The following ZNF578 variants were observed in gnomAD, a reference collection of about 807,000 sequenced individuals.
ZNF578 encodes the protein zinc finger protein 578.
In ZNF578, 8 loss-of-function variants were observed where a neutral mutation model predicts 8.3. The observed-to-expected ratio is 0.96, with a 90% CI of 0.56 to 1.74. ZNF578 has a LOEUF of 1.74. ZNF578 is among the 40% of genes most tolerant of loss of function. ZNF578 has a pLI of 0.00. For synonymous variants in ZNF578, 206 were observed against 232.2 expected (o/e 0.89, Z 1.03); for missense variants, 726 against 707.5 (o/e 1.03, Z -0.30).
chr19:52,489,393 C>T (rs1224797265), intron 2 of ZNF578, among the ~76,000 whole-genome samples: 2 of 151,968 alleles, frequency 1.3e-5, no homozygotes, highest in Non-Finnish European at 2.9e-5. Flanking sequence ...GGTTGGAGAT[C>T]AGCCTGACCA....
chr19:52,510,081 A>G (rs1331942649), intron 5 of ZNF578, among the ~76,000 whole-genome samples: 5 of 151,916 alleles, frequency 3.3e-5, no homozygotes, highest in African/African-American at 9.7e-5. Flanking sequence ...TCTCAGTGCT[A>G]TAATTGTTTG....
intron 2 of ZNF578, among the ~76,000 whole-genome samples, chr19:52,471,118 G>A (rs6509645): frequency 0.018 from 2,708 of 152,270 alleles, 76 homozygotes; most frequent in African/African-American, 0.063. Context: ...GGCCTCCCTA[G>A]AAGTCAGAGA....
At chr19:52,469,166 TG>T (rs1361375206) in intron 2 of ZNF578, among the ~76,000 whole-genome samples, 2 of 55,868 alleles carry the variant, frequency 3.6e-5, no homozygotes, top group Non-Finnish European at 9.4e-5. Flanking sequence ...GGTTTTTTTT[TG>T]TTTTTTTTTT....
chr19:52,501,872 G>C lies in ZNF578; in HGVS notation c.27G>C (p.Lys9Asn), dbSNP rs775525190. 2.0e-5 allele frequency: 32 copies of C among 1,613,568 alleles called. No homozygotes were observed. The highest frequency in any genetic ancestry group is 2.7e-5 in the Non-Finnish European group (32 of 1,179,794). Residue 9 changes from lysine to asparagine, a missense_variant, in exon 4 of 6, where the codon AAG becomes AAC. Coordinates refer to ENST00000421239, the MANE Select transcript of ZNF578 (RefSeq NM_001099694.2). ...TGTTACATGAGGAAGCAGCTCAGAA[G>C]AGGAAAGGAAAGGAGCCAGGCATGG... MLHEEAAQ[K>N]RKGKEPGMAL...
chr19:52,486,152 C>T (rs1301738361), intron 2 of ZNF578, among the ~76,000 whole-genome samples: 1 of 152,182 alleles, frequency 6.6e-6, no homozygotes, highest in Non-Finnish European at 1.5e-5. Context: ...CAATACTGCT[C>T]TTTAAGGCAT....
rs573182929 is a variant in ZNF578 at position 52,504,658 on chromosome 19, C to A, written c.67C>A (p.Arg23Ser). The A allele has an allele frequency of 1.2e-6, 2 of 1,613,906 alleles. No homozygotes were observed. Among genetic ancestry groups the A allele is most frequent in the Non-Finnish European group, 1.7e-6 (2 of 1,179,966 alleles). Residue 23 changes from arginine (R) to serine (S), a missense_variant, in exon 5 of 6, where the codon CGC becomes AGC. Transcript: ENST00000421239. ...KEPGMALPQG[R>S]LTFRDVAIEF... Reference sequence around the variant, plus strand: ...TGAAATGTGTGTTTCATTTTAGGGACGCTTGACTTTCAGGGATGTGGCTAT... The same window carrying A: ...TGAAATGTGTGTTTCATTTTAGGGAAGCTTGACTTTCAGGGATGTGGCTAT...
chr19:52,480,335 CA>C (rs2122838046), intron 2 of ZNF578, among the ~76,000 whole-genome samples: 1 of 152,246 alleles, frequency 6.6e-6, no homozygotes, highest in Admixed American at 6.5e-5. Flanking sequence ...TGAATATGTG[CA>C]CATACTGACC....
chr19:52,498,332 T>A (rs1217378719), intron 3 of ZNF578, among the ~76,000 whole-genome samples: 215 of 37,274 alleles, frequency 5.8e-3, no homozygotes, highest in Admixed American at 0.018. Context: ...AATGTGTGTT[T>A]TTTTTTTTTT....
At chr19:52,487,784 C>T (rs34203482) in intron 2 of ZNF578, among the ~76,000 whole-genome samples, 7,858 of 152,154 alleles carry the variant, frequency 0.052, 252 homozygotes, top group Middle Eastern at 0.14. Flanking sequence ...CATGAGCCAC[C>T]AAGCCCGGCT....
At chr19:52,509,490 G>A (rs569292008) in intron 5 of ZNF578, among the ~76,000 whole-genome samples, 6 of 152,208 alleles carry the variant, frequency 3.9e-5, no homozygotes, top group South Asian at 2.1e-4. Flanking sequence ...CACTCCACTC[G>A]TTAATGTCAA....
At chr19:52,483,073 A>C (rs1360012239) in intron 2 of ZNF578, among the ~76,000 whole-genome samples, 1 of 152,088 alleles carries the variant, frequency 6.6e-6, no homozygotes, top group Non-Finnish European at 1.5e-5. Flanking sequence ...TGGTCTCAAA[A>C]AACAGAAAAA....
chr19:52,460,282 A>G (rs183053647), intron 2 of ZNF578, among the ~76,000 whole-genome samples: 5 of 150,346 alleles, frequency 3.3e-5, no homozygotes, highest in South Asian at 2.1e-4. Flanking sequence ...ACTGTCCACA[A>G]ATGTTCCAGT....
At chr19:52,479,391 C>T (rs764491248) in intron 2 of ZNF578, among the ~76,000 whole-genome samples, 3 of 151,692 alleles carry the variant, frequency 2.0e-5, no homozygotes, top group Admixed American at 6.6e-5. Context: ...AAAAATTAGA[C>T]GGGTGTGGTG....
chr19:52,498,683 G>GTTTTTTTTTT (rs1568464235), intron 3 of ZNF578, among the ~76,000 whole-genome samples: 2 of 61,702 alleles, frequency 3.2e-5, no homozygotes, highest in South Asian at 4.6e-4. Context: ...TCGCCTGGCC[G>GTTTTTTTTTT]CTTTTTTTTT....
chr19:52,479,598 G>A (rs1651537), intron 2 of ZNF578, among the ~76,000 whole-genome samples: 14,702 of 147,556 alleles, frequency 0.1, 1,241 homozygotes, highest in East Asian at 0.33. Flanking sequence ...GTACTTTTTT[G>A]AAGCACTGAC....
intron 3 of ZNF578, among the ~76,000 whole-genome samples, chr19:52,494,616 G>C (rs1271721911): frequency 6.6e-6 from 1 of 152,174 alleles, no homozygotes; most frequent in African/African-American, 2.4e-5. Context: ...AAATTATACA[G>C]ATGAGTTTGA....
chr19:52,474,957 C>T, intron 2 of ZNF578: 1 of 197,492 alleles, frequency 5.1e-6, no homozygotes. Context: ...AAAGACTTTG[C>T]CACATTCCAT....
intron 2 of ZNF578, among the ~76,000 whole-genome samples, chr19:52,462,061 C>T (rs998804442): frequency 6.6e-6 from 1 of 152,286 alleles, no homozygotes; most frequent in African/African-American, 2.4e-5. Flanking sequence ...AATGATGATT[C>T]CATAGGAATT....
rs1400084572 is a variant in ZNF578, at chr19:52,484,357, C to A, written c.-121-6967C>A. Among the ~76,000 whole-genome samples, 5 of 152,290 alleles carry A rather than the reference C, an allele frequency of 3.3e-5. No individual in the cohort carries two copies. The South Asian group carries it at 8.3e-4, about 25-fold the overall frequency. On this transcript the variant is annotated intron_variant, in intron 2 of 5. Coordinates refer to ENST00000421239, the MANE Select transcript of ZNF578 (RefSeq NM_001099694.2). ...CCTCTTATCTCAACTGCAAAGAGGC[C>A]TTCCTTCCTCTTTCACTAATCCTCC...
Sources: allele counts gnomAD v4.1 joint callset (sites outside exome capture counted in the v4.1 genomes callset), GRCh38; gene constraint gnomAD v4.1.1; transcripts MANE v1.5; gene names NCBI Gene and HGNC (gene_info 2026-07-23, HGNC 2026-07-21).